ZMIZ1: variants seen among roughly 807,000 people sequenced by gnomAD.
ZMIZ1 encodes the protein zinc finger MIZ domain-containing protein 1.
Under a neutral mutation model 113.9 loss-of-function variants are expected in ZMIZ1, and 17 were observed. That is an observed-to-expected ratio of 0.15 (90% CI 0.10 to 0.22). The LOEUF (loss-of-function observed/expected upper bound fraction) is 0.22. Ranked by LOEUF, ZMIZ1 falls within the 10% of genes least tolerant of loss-of-function variation. The pLI is 1.00. For synonymous variants in ZMIZ1, 607 were observed against 603.1 expected (o/e 1.01, Z -0.09); for missense variants, 1,059 against 1,477.8 (o/e 0.72, Z 4.65).
intron 7 of ZMIZ1, among the ~76,000 whole-genome samples, chr10:79,251,234 G>A (rs1028020970): frequency 4.6e-5 from 7 of 151,952 alleles, no homozygotes; most frequent in Admixed American, 1.3e-4. Context: ...TCCACACACC[G>A]GGACCTCTCA....
chr10:79,165,948 CTG>C (rs1174980856), intron 4 of ZMIZ1, among the ~76,000 whole-genome samples: 7,524 of 58,798 alleles, frequency 0.13, 355 homozygotes, highest in South Asian at 0.22. Flanking sequence ...CCCAGCTCAG[CTG>C]TGTGTGTGTG....
chr10:79,293,938 A>AAGC, intron 12 of ZMIZ1: 1 of 548,968 alleles, frequency 1.8e-6, no homozygotes. Flanking sequence ...GCCACTCAGC[A>AAGC]AGCAGCAGTT....
chr10:79,148,422 G>C (rs1175699596), intron 3 of ZMIZ1, among the ~76,000 whole-genome samples: 3 of 152,216 alleles, frequency 2.0e-5, no homozygotes, highest in African/African-American at 7.2e-5. Context: ...TGAGACAAGG[G>C]GGTGTAGAGA....
Position 79,201,631 on chromosome 10 carries a change from G to T in ZMIZ1, c.-2G>T. On this transcript the variant is annotated 5_prime_UTR_variant, in exon 5 of 25. Coordinates refer to ENST00000334512, the MANE Select transcript of ZMIZ1 (RefSeq NM_020338.4). ...CGGGTAGAACCTAGTGAAACGGCCA[G>T]AATGAATTCTATGGACAGGCACATC... 6.2e-7 allele frequency: 1 copy of T among 1,613,670 alleles called. No homozygotes were observed. Among genetic ancestry groups the T allele is most frequent in the African/African-American group, 1.3e-5 (1 of 75,058 alleles).
intron 15 of ZMIZ1, among the ~76,000 whole-genome samples, 177 bp from the exon 16 acceptor site, chr10:79,298,873 G>C (rs1158152272): frequency 6.6e-6 from 1 of 152,200 alleles, no homozygotes; most frequent in African/African-American, 2.4e-5. Context: ...GGGCCGTGTA[G>C]AATCGAAGAA....
At chr10:79,154,248 C>T (rs1564684451) in intron 3 of ZMIZ1, among the ~76,000 whole-genome samples, 1 of 152,146 alleles carries the variant, frequency 6.6e-6, no homozygotes, top group Non-Finnish European at 1.5e-5. Context: ...TTTGTGTCCC[C>T]TTCTCTGTAG....
At chr10:79,149,313 A>G (rs988844071) in intron 3 of ZMIZ1, among the ~76,000 whole-genome samples, 1 of 152,060 alleles carries the variant, frequency 6.6e-6, no homozygotes, top group Non-Finnish European at 1.5e-5. Flanking sequence ...TCTCTGGCCT[A>G]TTTGCTTTCT....
At chr10:79,194,171 A>C (rs1847734451) in intron 4 of ZMIZ1, among the ~76,000 whole-genome samples, 1 of 152,224 alleles carries the variant, frequency 6.6e-6, no homozygotes, top group South Asian at 2.1e-4. Context: ...TCATTTCTGC[A>C]CACCACTGCT....
chr10:79,141,178 G>A lies in ZMIZ1; in HGVS notation c.-131+1401G>A, dbSNP rs1196451576. 2.0e-5 allele frequency among the ~76,000 whole-genome samples: 3 copies of A among 152,156 alleles called. No homozygotes were observed. The East Asian group carries it at 5.8e-4, about 29-fold the overall frequency. On this transcript the variant is annotated intron_variant, in intron 3 of 24. Coordinates refer to ENST00000334512, the MANE Select transcript of ZMIZ1 (RefSeq NM_020338.4). The stretch of plus-strand genomic sequence containing the variant: ...TGGCTGATTCTGCAGGCAGACATTC[G>A]GGGAGGAGGAGGCGGCATTGCTCAT...
intron 4 of ZMIZ1, among the ~76,000 whole-genome samples, chr10:79,194,343 CCT>C (rs1163368234): frequency 2.0e-5 from 3 of 152,240 alleles, no homozygotes; most frequent in Non-Finnish European, 4.4e-5. Context: ...TGTGCAGACG[CCT>C]CTCTCTGGGT....
intron 6 of ZMIZ1, 37 bp from the exon 7 acceptor site, chr10:79,216,132 C>G (rs779584032): frequency 7.0e-7 from 1 of 1,432,566 alleles, no homozygotes; most frequent in Non-Finnish European, 9.3e-7. Flanking sequence ...GCTCTGGGCT[C>G]CGTGACTCAC....
At chr10:79,223,365 C>T (rs994224716) in intron 7 of ZMIZ1, among the ~76,000 whole-genome samples, 9 of 152,202 alleles carry the variant, frequency 5.9e-5, no homozygotes, top group African/African-American at 2.2e-4. Context: ...GCTGGGGCAC[C>T]TTTTCAAGGT....
At chr10:79,072,097 C>T (rs1018041682) in intron 1 of ZMIZ1, among the ~76,000 whole-genome samples, 2 of 152,068 alleles carry the variant, frequency 1.3e-5, no homozygotes, top group Non-Finnish European at 2.9e-5. Context: ...GAATAAATAG[C>T]CTTGTCTATG....
chr10:79,266,086 G>A (rs1046331381), intron 7 of ZMIZ1, among the ~76,000 whole-genome samples: 3 of 152,238 alleles, frequency 2.0e-5, no homozygotes, highest in Admixed American at 6.5e-5. Context: ...CCACTTGGAG[G>A]CCAGGGCTGA....
intron 1 of ZMIZ1, among the ~76,000 whole-genome samples, chr10:79,117,510 C>T (rs1844093853): frequency 1.3e-5 from 2 of 152,220 alleles, no homozygotes; most frequent in Admixed American, 1.3e-4. Context: ...TGTGGAAACA[C>T]CAGTTGACCC....
chr10:79,093,084 AG>A (rs1197935115), intron 1 of ZMIZ1, among the ~76,000 whole-genome samples: 7 of 150,786 alleles, frequency 4.6e-5, no homozygotes, highest in Non-Finnish European at 1.5e-5. Flanking sequence ...AATGAGTGGC[AG>A]GTCCAAGCTT....
intron 3 of ZMIZ1, among the ~76,000 whole-genome samples, chr10:79,146,244 C>T (rs887424471): frequency 6.6e-6 from 1 of 152,160 alleles, no homozygotes; most frequent in South Asian, 2.1e-4. Flanking sequence ...ATGTGGCGTC[C>T]TTCTGTCTTA....
intron 1 of ZMIZ1, among the ~76,000 whole-genome samples, chr10:79,090,861 C>T (rs1217399113): frequency 6.6e-6 from 1 of 152,238 alleles, no homozygotes; most frequent in Non-Finnish European, 1.5e-5. Context: ...GTTTGACAGC[C>T]TTAGGTCTTG....
At chr10:79,225,131 T>C (rs1002157608) in intron 7 of ZMIZ1, among the ~76,000 whole-genome samples, 1 of 152,178 alleles carries the variant, frequency 6.6e-6, no homozygotes, top group African/African-American at 2.4e-5. Flanking sequence ...TCCCAGTGCA[T>C]GCAGTAAGCA....
Sources: allele counts gnomAD v4.1 joint callset (sites outside exome capture counted in the v4.1 genomes callset), GRCh38; gene constraint gnomAD v4.1.1; transcripts MANE v1.5; gene names NCBI Gene and HGNC (gene_info 2026-07-23, HGNC 2026-07-21).